The following HIKESHI variants were observed in gnomAD, a reference collection of about 807,000 sequenced individuals.
HIKESHI encodes the protein heat shock protein nuclear import factor hikeshi.
HIKESHI carries 13 observed loss-of-function variants against 25.7 expected under a neutral mutation model. The ratio of observed to expected loss-of-function variants is 0.51; its 90% CI spans 0.33 to 0.80. The LOEUF is 0.80. HIKESHI is among the 30% of genes least tolerant of loss of function. The probability of loss-of-function intolerance (pLI) is 0.02; values close to 1 mark genes in which losing one functional copy is unlikely to be tolerated. For synonymous variants in HIKESHI, 76 were observed against 78.7 expected (o/e 0.97, Z 0.18); for missense variants, 174 against 229.5 (o/e 0.76, Z 1.56).
At chr11:86,328,488 G>T (rs1947341566) in intron 2 of HIKESHI, among the ~76,000 whole-genome samples, 1 of 150,330 alleles carries the variant, frequency 6.7e-6, no homozygotes. Flanking sequence ...CTGGTGTGCA[G>T]TGGCATGCAA....
intron 2 of HIKESHI, among the ~76,000 whole-genome samples, chr11:86,335,213 TA>T (rs930277676): frequency 4.0e-5 from 6 of 151,350 alleles, no homozygotes; most frequent in African/African-American, 9.7e-5. Context: ...GAAGACTGTT[TA>T]AAAAAAAAGA....
intron 2 of HIKESHI, among the ~76,000 whole-genome samples, chr11:86,329,874 A>C (rs1166830909): frequency 6.6e-6 from 1 of 152,046 alleles, no homozygotes; most frequent in Non-Finnish European, 1.5e-5. Flanking sequence ...CCTTTATAAC[A>C]TACTTTTACC....
chr11:86,306,341 A>C lies in HIKESHI; in HGVS notation c.127A>C (p.Thr43Pro). The C allele has an allele frequency of 6.2e-7, 1 of 1,614,034 alleles. No individual in the cohort carries two copies. Among genetic ancestry groups the C allele is most frequent in the Non-Finnish European group, 8.5e-7 (1 of 1,179,920 alleles). Residue 43 changes from threonine to proline, a missense_variant, in exon 2 of 5, where the codon ACA (threonine) becomes CCA (proline). By Grantham distance (38) the Thr-to-Pro change is conservative. Transcript: ENST00000278483. Reference sequence around the variant, plus strand: ...CCATGTTGTGGTTTTTATGCTGGGAACAATCCCATTTCCTGAGGGAATGGG... The same window carrying C: ...CCATGTTGTGGTTTTTATGCTGGGACCAATCCCATTTCCTGAGGGAATGGG... ...INHVVVFMLG[T>P]IPFPEGMGGS...
intron 2 of HIKESHI, among the ~76,000 whole-genome samples, chr11:86,318,299 G>C (rs1340100956): frequency 6.8e-5 from 1 of 14,766 alleles, no homozygotes; most frequent in Non-Finnish European, 9.7e-5. Flanking sequence ...GCAAGACTCC[G>C]TCTCAAAAAA....
chr11:86,337,681 G>A, intron 3 of HIKESHI, 151 bp downstream of exon 3: 4 of 959,608 alleles, frequency 4.2e-6, no homozygotes, highest in Non-Finnish European at 5.9e-6. Flanking sequence ...TTTGAGAGAT[G>A]GAGTCTTGCT....
At chr11:86,344,314 A>G (rs962635308) in intron 3 of HIKESHI, 7 of 268,280 alleles carry the variant, frequency 2.6e-5, no homozygotes, top group Non-Finnish European at 4.8e-5. Context: ...ATTACTCTTA[A>G]CATTCTTTTT....
intron 2 of HIKESHI, among the ~76,000 whole-genome samples, chr11:86,330,041 T>C (rs976343629): frequency 6.6e-6 from 1 of 152,154 alleles, no homozygotes; most frequent in Non-Finnish European, 1.5e-5. Flanking sequence ...ATCTTGCTGG[T>C]ATTTTTTTTC....
chr11:86,324,432 A>G (rs957643702), intron 2 of HIKESHI: 4 of 152,360 alleles, frequency 2.6e-5, no homozygotes, highest in Admixed American at 2.0e-4. Context: ...AGAATGTTTT[A>G]TTACAGAAAA....
chr11:86,309,381 G>C (rs965693440), intron 2 of HIKESHI, among the ~76,000 whole-genome samples: 31 of 152,096 alleles, frequency 2.0e-4, no homozygotes, highest in African/African-American at 7.0e-4. Context: ...TGAGAAGTGT[G>C]TGTTCATATC....
chr11:86,302,580 C>A (rs1946525113), intron 1 of HIKESHI, 102 bp downstream of exon 1: 1 of 1,385,228 alleles, frequency 7.2e-7, no homozygotes, highest in Non-Finnish European at 9.9e-7. Flanking sequence ...GGGAAGCCCA[C>A]TTATTATATT....
At chr11:86,315,345 A>T (rs1299861720) in intron 2 of HIKESHI, among the ~76,000 whole-genome samples, 2 of 142,648 alleles carry the variant, frequency 1.4e-5, no homozygotes, top group Non-Finnish European at 3.1e-5. Flanking sequence ...TTTTTGAGTC[A>T]GTTTCGCTCT....
intron 2 of HIKESHI, among the ~76,000 whole-genome samples, chr11:86,332,289 C>T (rs985645727): frequency 6.6e-6 from 1 of 151,966 alleles, no homozygotes; most frequent in East Asian, 1.9e-4. Flanking sequence ...TAGTCCTCAT[C>T]TCTTTGCTGC....
At chr11:86,311,075 G>A (rs753611247) in intron 2 of HIKESHI, among the ~76,000 whole-genome samples, 2 of 152,118 alleles carry the variant, frequency 1.3e-5, no homozygotes, top group Non-Finnish European at 2.9e-5. Context: ...TTGGCCTCAT[G>A]AAATGAATTA....
intron 2 of HIKESHI, among the ~76,000 whole-genome samples, chr11:86,331,982 C>CT (rs796831448): frequency 0.1 from 13,533 of 129,220 alleles, 1,091 homozygotes; most frequent in African/African-American, 0.21. Flanking sequence ...GTTTTCTTTT[C>CT]TTTTTTTTTT....
In HIKESHI at chr11:86,337,544, C is replaced by T. The variant is rs760443569; in HGVS notation, c.420+14C>T. On this transcript the variant is annotated intron_variant, in intron 3 of 4. Coordinates refer to ENST00000278483, the MANE Select transcript of HIKESHI (RefSeq NM_016401.4). The stretch of plus-strand genomic sequence containing the variant: ...TCATTCACTCAGGTAATGCAACATA[C>T]ATTTCATTCTTTACCTCCCCCTCCA... 169 of 1,606,704 alleles carry T rather than the reference C, an allele frequency of 1.1e-4. No individual in the cohort carries two copies. Among genetic ancestry groups the T allele is most frequent in the Middle Eastern group, 5.0e-4 (3 of 6,058 alleles).
intron 2 of HIKESHI, among the ~76,000 whole-genome samples, chr11:86,335,145 A>T (rs1279675227): frequency 6.6e-6 from 1 of 152,208 alleles, no homozygotes; most frequent in African/African-American, 2.4e-5. Flanking sequence ...GGAGCAGGAT[A>T]GACCTAATTC....
chr11:86,344,700 C>T lies in HIKESHI; in HGVS notation c.518C>T (p.Pro173Leu), dbSNP rs759061923. The T allele has an allele frequency of 1.2e-5, 19 of 1,608,518 alleles. No individual in the cohort carries two copies. Among genetic ancestry groups the T allele is most frequent in the Admixed American group, 3.3e-5 (2 of 59,962 alleles). The change falls in exon 4 of 5, where the codon CCG (proline) becomes CTG (leucine). Residue 173 changes from proline (P) to leucine (L), a missense_variant. Coordinates refer to ENST00000278483, the MANE Select transcript of HIKESHI (RefSeq NM_016401.4). Reference sequence around the variant, plus strand: ...CCAAGCCCATCTGAAATGTTCATTCCGGCAAATGTGGTTCTGAAATGGTAT... The same window carrying T: ...CCAAGCCCATCTGAAATGTTCATTCTGGCAAATGTGGTTCTGAAATGGTAT... ...MTPSPSEMFIPANVVLKWYEN... is the reference protein window; with the variant it reads ...MTPSPSEMFILANVVLKWYEN...
At chr11:86,330,267 C>G (rs1031416776) in intron 2 of HIKESHI, among the ~76,000 whole-genome samples, 1 of 152,110 alleles carries the variant, frequency 6.6e-6, no homozygotes, top group African/African-American at 2.4e-5. Context: ...AGGGTCTTGT[C>G]AACTACAAGC....
At chr11:86,308,927 C>T (rs1165304919) in intron 2 of HIKESHI, among the ~76,000 whole-genome samples, 1 of 152,102 alleles carries the variant, frequency 6.6e-6, no homozygotes, top group Non-Finnish European at 1.5e-5. Context: ...GCATAGTATT[C>T]CATGGTGTAT....
Sources: gnomAD v4.1 joint callset for allele counts (sites outside exome capture counted in the v4.1 genomes callset) on GRCh38, gnomAD v4.1.1 for gene constraint, MANE v1.5 for transcripts, NCBI Gene and HGNC (gene_info 2026-07-23, HGNC 2026-07-21) for gene names.